SAMD4B: variants seen among roughly 807,000 people sequenced by gnomAD.
The protein encoded by SAMD4B is protein Smaug homolog 2.
In SAMD4B, 5 loss-of-function variants were observed where a neutral mutation model predicts 74.5. The ratio of observed to expected loss-of-function variants is 0.07; its 90% CI spans 0.04 to 0.14. The LOEUF (loss-of-function observed/expected upper bound fraction) is 0.14, where lower values mean the gene tolerates loss of function less well. Ranked by LOEUF, SAMD4B falls within the 10% of genes least tolerant of loss-of-function variation. The probability of loss-of-function intolerance (pLI) is 1.00; values close to 1 mark genes in which losing one functional copy is unlikely to be tolerated. For synonymous variants in SAMD4B, 373 were observed against 374.9 expected, an observed-to-expected ratio of 1.00 and a Z score of 0.06; for missense variants, 608 against 921.8, an observed-to-expected ratio of 0.66 and a Z score of 4.41.
downstream of SAMD4B, among the ~76,000 whole-genome samples, chr19:39,387,840 T>G (rs978646580): frequency 4.6e-5 from 7 of 152,214 alleles, no homozygotes; most frequent in Admixed American, 6.5e-5. Flanking sequence ...AAATGTCTCC[T>G]GCATTAAGAT....
At chr19:39,356,173 C>T (rs922966014) in intron 2 of SAMD4B, among the ~76,000 whole-genome samples, 1 of 152,150 alleles carries the variant, frequency 6.6e-6, no homozygotes, top group Admixed American at 6.5e-5. Flanking sequence ...CTCTACCCAG[C>T]ATTGTGGGTC....
chr19:39,388,729 G>A (rs1165830360), downstream of SAMD4B: 1 of 1,606,434 alleles, frequency 6.2e-7, no homozygotes, highest in East Asian at 2.2e-5. Context: ...AGGCAGCAAG[G>A]AGCAGGCCAA....
At position 39,378,464 on chromosome 19, in the gene SAMD4B, AC is replaced by A. The variant is rs770386097; in HGVS notation, c.1445-39del. On this transcript the variant is annotated intron_variant, in intron 8 of 13. Transcript: ENST00000610417. The surrounding 1 kb of genome is among the most constrained non-coding windows in gnomAD (Gnocchi z 4.4). ...GAGGCTGGAACATGGCAGAGGGCAT[AC>A]TAGGGGTTAACCTCCTGCCCTTTCT... is the stretch of plus-strand genomic sequence containing the variant. The A allele has an allele frequency of 6.3e-7, 1 of 1,580,340 alleles. No individual in the cohort carries two copies. The highest frequency in any genetic ancestry group is 8.7e-7 in the Non-Finnish European group (1 of 1,150,168).
At chr19:39,386,604 G>A, downstream of SAMD4B, 1 of 1,611,846 alleles carries the variant, frequency 6.2e-7, no homozygotes, top group Non-Finnish European at 8.5e-7. This position sits in a 1 kb window ranked among gnomAD's most constrained non-coding sequence, Gnocchi z 6.1. Context: ...TGAGGGGAAG[G>A]AGGGTGTTCT....
At chr19:39,372,691 C>G (rs2145730790) in intron 4 of SAMD4B, among the ~76,000 whole-genome samples, 1 of 152,278 alleles carries the variant, frequency 6.6e-6, no homozygotes, top group South Asian at 2.1e-4. Context: ...AGCAGGGCTC[C>G]TCAGGAACTG....
At position 39,384,960 on chromosome 19, in the gene SAMD4B, C is replaced by G. The variant is rs1235173867; in HGVS notation, c.*1433C>G. On this transcript the variant is annotated 3_prime_UTR_variant, in exon 14 of 14. Coordinates refer to ENST00000610417, the MANE Select transcript of SAMD4B (RefSeq NM_001384574.2). ...CCACCACCCTCCCTGCACTATCACC[C>G]CATTCCCCAGACCTTCTTGCCCCCG... 2.0e-5 allele frequency: 3 copies of G among 152,452 alleles called. No individual in the cohort carries two copies. The highest frequency in any genetic ancestry group is 2.1e-4 in the South Asian group (1 of 4,814). The allele number at this position is 152,452 out of a possible 1,614,324, so 9.4% of individuals were successfully genotyped here.
intron 5 of SAMD4B, 112 bp downstream of exon 5, chr19:39,376,001 G>A: frequency 2.9e-6 from 4 of 1,372,724 alleles, no homozygotes; most frequent in Non-Finnish European, 3.9e-6. Context: ...GAGGGGACAT[G>A]TCTGAGGGGA....
intron 3 of SAMD4B, among the ~76,000 whole-genome samples, chr19:39,365,135 A>G (rs1013850933): frequency 2.6e-5 from 4 of 151,366 alleles, no homozygotes; most frequent in African/African-American, 9.7e-5. Context: ...AGTCCCAGCT[A>G]CTCAGGAGGC....
At chr19:39,352,861 G>A (rs750067632) in intron 1 of SAMD4B, among the ~76,000 whole-genome samples, 56 of 151,186 alleles carry the variant, frequency 3.7e-4, no homozygotes, top group Non-Finnish European at 4.7e-4. Context: ...GGATTTGGTC[G>A]TTTTTTTGCT....
chr19:39,377,157 A>T (rs761323201), intron 7 of SAMD4B, among the ~76,000 whole-genome samples: 5 of 151,886 alleles, frequency 3.3e-5, no homozygotes, highest in Non-Finnish European at 5.9e-5. Flanking sequence ...TCCACATCTG[A>T]TTCCGTTTCC....
rs771251715 is a variant in SAMD4B, at chr19:39,377,619, G to A, written c.1239G>A (p.Gly413=). Residue 413 remains glycine (G), a synonymous_variant, in exon 8 of 14, where the codon GGG becomes GGA. Coordinates refer to ENST00000610417, the MANE Select transcript of SAMD4B (RefSeq NM_001384574.2). The part of the protein sequence containing the change: ...AATTTPTAKD[G]APGEPPLPGA... ...CCACCACCCCTACTGCCAAGGATGGGGCCCCGGGGGAACCACCGCTGCCAG... is the reference window on the plus strand; with the variant it reads ...CCACCACCCCTACTGCCAAGGATGGAGCCCCGGGGGAACCACCGCTGCCAG... 2 of 1,614,058 alleles carry A rather than the reference G, an allele frequency of 1.2e-6. No homozygotes were observed. The highest frequency in any genetic ancestry group is 2.2e-5 in the South Asian group (2 of 91,058).
intron 11 of SAMD4B, 87 bp downstream of exon 11, chr19:39,380,872 G>A (rs928376262): frequency 2.0e-6 from 3 of 1,510,618 alleles, no homozygotes; most frequent in Non-Finnish European, 2.7e-6. Flanking sequence ...CTCTGTGTCT[G>A]GACCCAGCTT....
chr19:39,386,232 T>G (rs780533974), downstream of SAMD4B: 2 of 1,614,062 alleles, frequency 1.2e-6, no homozygotes, highest in Admixed American at 3.3e-5. The surrounding 1 kb of genome is among the most constrained non-coding windows in gnomAD (Gnocchi z 6.1). Context: ...GCCAAAGATC[T>G]CCTCTTTGTC....
chr19:39,377,344 A>G, intron 7 of SAMD4B, 141 bp from the exon 8 acceptor site: 1 of 621,836 alleles, frequency 1.6e-6, no homozygotes, highest in Non-Finnish European at 2.8e-6. Context: ...GGCTTGCAGT[A>G]CCCTTACATG....
In SAMD4B at chr19:39,383,376, G is replaced by A; in HGVS notation, c.2056+85G>A. On this transcript the variant is annotated intron_variant, in intron 13 of 13. Coordinates refer to ENST00000610417, the MANE Select transcript of SAMD4B (RefSeq NM_001384574.2). This position sits in a 1 kb window ranked among gnomAD's most constrained non-coding sequence, Gnocchi z 4.1. ...CTGAGCAACTCAGAGTCATCCTGAGGGGTCCCCAGGGGAGGCCAGACTCCA... is the reference window on the plus strand; with the variant it reads ...CTGAGCAACTCAGAGTCATCCTGAGAGGTCCCCAGGGGAGGCCAGACTCCA... The A allele has an allele frequency of 1.3e-6, 2 of 1,574,922 alleles. No individual in the cohort carries two copies. Among genetic ancestry groups the A allele is most frequent in the Non-Finnish European group, 1.7e-6 (2 of 1,144,324 alleles).
intron 3 of SAMD4B, among the ~76,000 whole-genome samples, chr19:39,365,978 G>A (rs917319): frequency 0.16 from 24,762 of 152,030 alleles, 3,797 homozygotes; most frequent in African/African-American, 0.41. Context: ...AGGTGGGCAA[G>A]TCATTTGAGA....
chr19:39,358,025 C>G (rs891473762), intron 3 of SAMD4B, among the ~76,000 whole-genome samples: 1 of 152,140 alleles, frequency 6.6e-6, no homozygotes, highest in Admixed American at 6.5e-5. Flanking sequence ...AATCCCAGCA[C>G]TTTAGGAGGC....
At position 39,369,741 on chromosome 19, in the gene SAMD4B, A is replaced by C; in HGVS notation, c.283A>C (p.Thr95Pro). 1 of 1,614,196 alleles carries C rather than the reference A, an allele frequency of 6.2e-7. No individual in the cohort carries two copies. Among genetic ancestry groups the C allele is most frequent in the East Asian group, 2.2e-5 (1 of 44,888 alleles). Residue 95 changes from threonine to proline, a missense_variant, in exon 4 of 14, where the codon ACA (threonine) becomes CCA (proline). This residue lies in a region of SAMD4B where 74 missense variants were observed against 182.0 expected (regional missense o/e 0.41). Transcript: ENST00000610417. ...SHLPLLQPGNTEAKSEYMRLL... is the reference protein window; with the variant it reads ...SHLPLLQPGNPEAKSEYMRLL... ...CCTTCCCCTGCTTCAGCCAGGCAAC[A>C]CAGAGGCCAAGTCGGAGTACATGAG...
intron 3 of SAMD4B, chr19:39,369,207 G>T (rs1232109476): frequency 1.2e-5 from 2 of 164,314 alleles, no homozygotes; most frequent in Non-Finnish European, 1.3e-5. Flanking sequence ...GAGGCAAGAG[G>T]ATTGCCTGAG....
Sources: gnomAD v4.1 joint callset for allele counts (sites outside exome capture counted in the v4.1 genomes callset) on GRCh38, gnomAD v4.1.1 for gene constraint, gnomAD v4.1.1 regional missense constraint, Gnocchi (gnomAD v3.1) non-coding constraint, MANE v1.5 for transcripts, NCBI Gene and HGNC (gene_info 2026-07-23, HGNC 2026-07-21) for gene names.